The following DNAAF6 variants were observed in gnomAD, a reference collection of about 807,000 sequenced individuals.
The protein encoded by DNAAF6 is PIH1 domain containing 3.
In DNAAF6, 3 loss-of-function variants were observed where a neutral mutation model predicts 13.7. The observed-to-expected ratio is 0.22, with a 90% confidence interval of 0.10 to 0.56. DNAAF6 has a LOEUF of 0.56. Among genes scored for constraint, DNAAF6 ranks in the 20% least tolerant of loss-of-function variants. The pLI is 0.92. For missense variants in DNAAF6, 130 were observed against 151.0 expected (o/e 0.86, Z 0.73); for synonymous variants, 54 against 49.2 (o/e 1.10, Z -0.41).
chrX:107,220,937 TTCTTTCTTTCTTTCTTTCTTTTTC>T (rs1428257794), intron 4 of DNAAF6, among the ~76,000 whole-genome samples: 1,326 of 84,430 alleles, frequency 0.016, 9 homozygotes, highest in South Asian at 0.035. Context: ...CTTTCTTTCT[TTCTTTCTTTCTTTCTTTCTTTTTC>T]TTTCTTTCTT....
chrX:107,212,479 G>A (rs746803571), intron 1 of DNAAF6, among the ~76,000 whole-genome samples: 2 of 111,420 alleles, frequency 1.8e-5, no homozygotes, highest in African/African-American at 3.3e-5. Flanking sequence ...CACTGCTCAT[G>A]TCTAAAAAAT....
intron 2 of DNAAF6, among the ~76,000 whole-genome samples, chrX:107,215,136 T>C (rs1927948221): frequency 1.8e-5 from 2 of 112,157 alleles, no homozygotes; most frequent in South Asian, 7.5e-4. Flanking sequence ...AATTGCCAGA[T>C]GGTTTTTAAT....
At chrX:107,233,343 G>A (rs1454786811) in intron 5 of DNAAF6, among the ~76,000 whole-genome samples, 3 of 110,971 alleles carry the variant, frequency 2.7e-5, no homozygotes, top group African/African-American at 9.8e-5. Context: ...TTGTGTATGT[G>A]GGGGATAAGA....
intron 6 of DNAAF6, among the ~76,000 whole-genome samples, chrX:107,242,935 C>T (rs764825418): frequency 1.8e-5 from 2 of 111,096 alleles, no homozygotes; most frequent in Non-Finnish European, 3.8e-5. Context: ...AAAATGAGGT[C>T]AATTCGGAGA....
chrX:107,237,975 C>T (rs1325772700), intron 5 of DNAAF6, among the ~76,000 whole-genome samples: 3 of 111,692 alleles, frequency 2.7e-5, no homozygotes, highest in South Asian at 3.7e-4. Context: ...AGCGGGACTG[C>T]GTCTCCCACA....
intron 6 of DNAAF6, among the ~76,000 whole-genome samples, chrX:107,241,732 T>C (rs1172433881): frequency 1.8e-5 from 2 of 111,998 alleles, no homozygotes; most frequent in Non-Finnish European, 3.8e-5. Context: ...TGTACAGTTC[T>C]ACTGTTCAAC....
At chrX:107,242,151 A>C (rs962723937) in intron 6 of DNAAF6, among the ~76,000 whole-genome samples, 1 of 111,405 alleles carries the variant, frequency 9.0e-6, no homozygotes, top group Non-Finnish European at 1.9e-5. Flanking sequence ...TGTTTTTCCT[A>C]CCCCACATGG....
chrX:107,223,361 T>C (rs1324379995), intron 5 of DNAAF6, among the ~76,000 whole-genome samples: 1 of 111,967 alleles, frequency 8.9e-6, no homozygotes, highest in East Asian at 2.8e-4. Context: ...ACATCTAAAA[T>C]GTTACTTTGC....
intron 5 of DNAAF6, among the ~76,000 whole-genome samples, chrX:107,234,080 G>A (rs912216247): frequency 4.5e-5 from 5 of 111,145 alleles, no homozygotes; most frequent in African/African-American, 1.6e-4. Flanking sequence ...GATGCCTGTA[G>A]ATGAATGTTC....
chrX:107,223,244 A>C (rs1251849722), intron 5 of DNAAF6, among the ~76,000 whole-genome samples: 1 of 111,599 alleles, frequency 9.0e-6, no homozygotes, highest in Non-Finnish European at 1.9e-5. Flanking sequence ...CATCTGTCTT[A>C]TCTCTTATTT....
At chrX:107,227,523 C>T (rs1163341793) in intron 5 of DNAAF6, among the ~76,000 whole-genome samples, 1 of 109,684 alleles carries the variant, frequency 9.1e-6, no homozygotes, top group African/African-American at 3.3e-5. Flanking sequence ...TTATGTTAAC[C>T]TTGTTTGATT....
chrX:107,211,653 T>C (rs1017710359), intron 1 of DNAAF6, among the ~76,000 whole-genome samples: 3 of 112,351 alleles, frequency 2.7e-5, no homozygotes, highest in Non-Finnish European at 5.6e-5. Flanking sequence ...ATCTATTTAC[T>C]CTAATGTTGT....
chrX:107,235,490 C>T (rs942734229), intron 5 of DNAAF6, among the ~76,000 whole-genome samples: 6 of 111,519 alleles, frequency 5.4e-5, no homozygotes, highest in Non-Finnish European at 1.1e-4. Flanking sequence ...GGATCCTTTA[C>T]TCTGGGGAGA....
At chrX:107,236,734 G>A (rs1227275533) in intron 5 of DNAAF6, among the ~76,000 whole-genome samples, 2 of 111,724 alleles carry the variant, frequency 1.8e-5, no homozygotes, top group Non-Finnish European at 3.8e-5. Context: ...TTCTCAATTG[G>A]CATTTTAACC....
rs747828013 is a variant in DNAAF6 at position 107,229,780 on chromosome X, C to G, written c.429+6939C>G. ...TTGGCTCACTGCAAGCTCCACTTCCCGGGTTCACACCATTCTCCTGCCTCA... is the reference window on the plus strand; with the variant it reads ...TTGGCTCACTGCAAGCTCCACTTCCGGGGTTCACACCATTCTCCTGCCTCA... On this transcript the variant is annotated intron_variant, in intron 5 of 6. Coordinates refer to ENST00000372453, the MANE Select transcript of DNAAF6 (RefSeq NM_173494.2). Among the ~76,000 whole-genome samples the G allele has an allele frequency of 2.7e-5, 3 of 111,076 alleles. No individual in the cohort carries two copies. In the South Asian group the frequency reaches 1.2e-3, roughly 43 times the overall value.
intron 4 of DNAAF6, among the ~76,000 whole-genome samples, chrX:107,219,356 T>A (rs1928069212): frequency 8.9e-6 from 1 of 111,787 alleles, no homozygotes; most frequent in African/African-American, 3.2e-5. Context: ...TTACTCAATG[T>A]TCCACAATTT....
At chrX:107,216,300 C>A (rs931920056) in intron 2 of DNAAF6, among the ~76,000 whole-genome samples, 1 of 111,674 alleles carries the variant, frequency 9.0e-6, no homozygotes, top group African/African-American at 3.3e-5. Flanking sequence ...TACAACCAGA[C>A]ACTGCTAAAC....
intron 2 of DNAAF6, among the ~76,000 whole-genome samples, chrX:107,214,931 T>C (rs1731139189): frequency 9.0e-6 from 1 of 110,678 alleles, no homozygotes; most frequent in Admixed American, 9.7e-5. Context: ...GAGGAGAGAG[T>C]GTGTCTGTCA....
At chrX:107,213,882 A>G (rs1321161924) in intron 2 of DNAAF6, among the ~76,000 whole-genome samples, 1 of 111,771 alleles carries the variant, frequency 8.9e-6, no homozygotes, top group Non-Finnish European at 1.9e-5. Flanking sequence ...TGACCAATTT[A>G]TCATGAATAA....
Sources: gnomAD v4.1 joint callset for allele counts (sites outside exome capture counted in the v4.1 genomes callset) on GRCh38, gnomAD v4.1.1 for gene constraint, MANE v1.5 for transcripts, NCBI Gene and HGNC (gene_info 2026-07-23, HGNC 2026-07-21) for gene names.